BEND7: variants seen among roughly 807,000 people sequenced by gnomAD.
The protein encoded by BEND7 is BEN domain containing 7, also known as BEN domain-containing protein 7.
Under a neutral mutation model 50.9 loss-of-function variants are expected in BEND7, and 28 were observed. That is an observed-to-expected ratio of 0.55 (90% CI 0.41 to 0.75). The LOEUF is 0.75. Among genes scored for constraint, BEND7 ranks in the 30% least tolerant of loss-of-function variants. The pLI, the probability that BEND7 is intolerant of heterozygous loss-of-function variation, is 0.00. For synonymous variants in BEND7, 170 were observed against 183.9 expected (o/e 0.92, Z 0.61); for missense variants, 477 against 491.3 (o/e 0.97, Z 0.28).
At chr10:13,444,969 C>G (rs1835981435) in intron 8 of BEND7, 1 of 152,132 alleles carries the variant, frequency 6.6e-6, no homozygotes, top group Non-Finnish European at 1.5e-5. Flanking sequence ...CGCCCGCCAC[C>G]ATGCCTGGCT....
rs1435153040 is a variant in BEND7 at position 13,503,735 on chromosome 10, A to C, written c.146-3655T>G. ...TCAAAACAAACAAACAAACAAACAA[A>C]CAACAACTAAAAGGATGGAACACAG... On this transcript the variant is annotated intron_variant, in intron 2 of 8. Transcript: ENST00000466271. Among the ~76,000 whole-genome samples the C allele has an allele frequency of 2.0e-5, 3 of 152,084 alleles. No homozygotes were observed. The East Asian group carries it at 5.8e-4, about 29-fold the overall frequency.
At chr10:13,473,836 C>T (rs992928983) in intron 6 of BEND7, among the ~76,000 whole-genome samples, 1 of 151,472 alleles carries the variant, frequency 6.6e-6, no homozygotes, top group South Asian at 2.1e-4. Context: ...CACTGTTAGA[C>T]TCGGGGTTGA....
chr10:13,528,760 T>C lies in BEND7; in HGVS notation c.-227A>G, dbSNP rs1213497579. 1.4e-5 allele frequency: 2 copies of C among 145,944 alleles called. No individual in the cohort carries two copies. Among genetic ancestry groups the C allele is most frequent in the Non-Finnish European group, 3.0e-5 (2 of 66,102 alleles). 9.0% of individuals were successfully genotyped at this position (145,944 alleles called of 1,614,324 possible). A position where few individuals can be genotyped will look rare whatever the true frequency, so the allele number is the denominator to read the frequency against. On this transcript the variant is annotated 5_prime_UTR_variant, in exon 1 of 9. Coordinates refer to ENST00000466271, the MANE Select transcript of BEND7 (RefSeq NM_001369863.1). ...CGGCGGCGTGGGCTCCCGGGCGAAG[T>C]TGCCCCCGCGCGGCGCCGCCTCCCG...
chr10:13,456,140 C>T (rs1193870352), intron 6 of BEND7, among the ~76,000 whole-genome samples: 1 of 152,068 alleles, frequency 6.6e-6, no homozygotes, highest in Non-Finnish European at 1.5e-5. Context: ...TATCCTTCAC[C>T]CCCCAAATCT....
chr10:13,507,236 G>A (rs1044692611), intron 2 of BEND7, among the ~76,000 whole-genome samples: 1 of 152,114 alleles, frequency 6.6e-6, no homozygotes, highest in African/African-American at 2.4e-5. Context: ...AGCTGGTAAA[G>A]TGAGTCAAAC....
At chr10:13,444,186 A>T (rs1264585250) in intron 8 of BEND7, 3 of 152,080 alleles carry the variant, frequency 2.0e-5, no homozygotes, top group Non-Finnish European at 4.4e-5. Context: ...CACTAGTCTG[A>T]GGGCATTTGT....
intron 5 of BEND7, among the ~76,000 whole-genome samples, chr10:13,491,236 C>T (rs752683583): frequency 6.0e-5 from 9 of 150,950 alleles, no homozygotes; most frequent in Non-Finnish European, 1.0e-4. Context: ...TTGCTTGAAC[C>T]CAAGAGGCGG....
intron 2 of BEND7, among the ~76,000 whole-genome samples, chr10:13,520,864 G>A (rs1350177316): frequency 1.3e-5 from 2 of 152,186 alleles, no homozygotes; most frequent in Non-Finnish European, 2.9e-5. Context: ...GAACGACCAA[G>A]TTCTGCATCC....
Position 13,450,622 on chromosome 10 carries a change from C to A in BEND7, c.1183+1917G>T, listed in dbSNP as rs76887981. ...TTCTACTTCTCAGTTGTTAATAGAA[C>A]CTGCTAGGAACGCAGAAGAGAAGGG... On this transcript the variant is annotated intron_variant, in intron 7 of 8. Coordinates refer to ENST00000466271, the MANE Select transcript of BEND7 (RefSeq NM_001369863.1). 3.4e-3 allele frequency among the ~76,000 whole-genome samples: 519 copies of A among 152,266 alleles called. 3 individuals are homozygous for A. The highest frequency in any genetic ancestry group is 0.012 in the African/African-American group (500 of 41,556).
intron 2 of BEND7, among the ~76,000 whole-genome samples, chr10:13,508,212 G>T (rs2078032719): frequency 6.6e-6 from 1 of 152,224 alleles, no homozygotes; most frequent in South Asian, 2.1e-4. Flanking sequence ...CTGGCAGCCT[G>T]CAGGGACAAC....
chr10:13,529,205 G>A (rs1003950101), upstream of BEND7, among the ~76,000 whole-genome samples: 1 of 146,108 alleles, frequency 6.8e-6, no homozygotes, highest in Non-Finnish European at 1.5e-5. Context: ...GCCCTGGCCC[G>A]GGCCCGGCCG....
intron 6 of BEND7, among the ~76,000 whole-genome samples, chr10:13,457,395 T>C (rs10906377): frequency 0.31 from 47,621 of 152,078 alleles, 8,694 homozygotes; most frequent in East Asian, 0.67. Context: ...TATTTTTTTC[T>C]AGTTTCAATG....
At chr10:13,461,732 T>TA (rs58348419) in intron 6 of BEND7, among the ~76,000 whole-genome samples, 84,133 of 147,110 alleles carry the variant, frequency 0.57, 23,942 homozygotes, top group East Asian at 0.75. Flanking sequence ...GACTCCATCT[T>TA]AAAAAAAAAA....
intron 6 of BEND7, among the ~76,000 whole-genome samples, chr10:13,461,570 CA>C (rs1840218350): frequency 6.6e-6 from 1 of 152,000 alleles, no homozygotes; most frequent in Non-Finnish European, 1.5e-5. Context: ...CCGTCTCTAC[CA>C]AAAATACAAA....
chr10:13,463,577 T>G (rs562884387), intron 6 of BEND7, among the ~76,000 whole-genome samples: 1 of 152,256 alleles, frequency 6.6e-6, no homozygotes, highest in South Asian at 2.1e-4. Flanking sequence ...ACCTCACATT[T>G]AGGTAAAAGT....
chr10:13,527,728 A>T (rs12218242), intron 1 of BEND7: 327,332 of 542,920 alleles, frequency 0.6, 101,658 homozygotes, highest in East Asian at 0.71. Context: ...CATTTTTTTA[A>T]AAAAAAAAGT....
In BEND7 at chr10:13,509,682, G is replaced by A. The variant is rs1055482002; in HGVS notation, c.146-9602C>T. ...ATAAACAACACCAGCATTTCCACGC[G>A]CACTTTGGGGAGGAGAAAAGAGAAC... On this transcript the variant is annotated intron_variant, in intron 2 of 8. Transcript: ENST00000466271. Among the ~76,000 whole-genome samples, 9 of 152,310 alleles carry A rather than the reference G, an allele frequency of 5.9e-5. No homozygotes were observed. In the South Asian group the frequency reaches 1.0e-3, roughly 18 times the overall value.
At chr10:13,444,807 T>C (rs770461727) in intron 8 of BEND7, 1 of 152,254 alleles carries the variant, frequency 6.6e-6, no homozygotes, top group Non-Finnish European at 1.5e-5. Flanking sequence ...AGCATCAATC[T>C]GAGACTTCTT....
intron 8 of BEND7, chr10:13,447,007 TTA>T: frequency 2.0e-6 from 1 of 502,288 alleles, no homozygotes; most frequent in South Asian, 2.6e-5. Flanking sequence ...AGGCAAAATG[TTA>T]TGATACTTAG....
Sources: gnomAD v4.1 joint callset for allele counts (sites outside exome capture counted in the v4.1 genomes callset) on GRCh38, gnomAD v4.1.1 for gene constraint, MANE v1.5 for transcripts, NCBI Gene and HGNC (gene_info 2026-07-23, HGNC 2026-07-21) for gene names.